The following EYS variants were observed in gnomAD, a reference collection of about 807,000 sequenced individuals.
EYS encodes the protein protein eyes shut homolog.
A neutral mutation model predicts 282.1 loss-of-function variants in EYS; 250 were observed. That is an observed-to-expected ratio of 0.89 (90% CI 0.80 to 0.98). The LOEUF is 0.98. Ranked by LOEUF, EYS falls within the 50% of genes least tolerant of loss-of-function variation. The probability of loss-of-function intolerance (pLI) is 0.00; values close to 1 mark genes in which losing one functional copy is unlikely to be tolerated. For synonymous variants in EYS, 1,355 were observed against 1,282.9 expected (o/e 1.06, Z -1.20); for missense variants, 4,016 against 3,709.0 (o/e 1.08, Z -2.15).
At position 64,801,628 on chromosome 6, in the gene EYS, T is replaced by C. The variant is rs928872814; in HGVS notation, c.3443+11750A>G. 8.5e-5 allele frequency among the ~76,000 whole-genome samples: 13 copies of C among 152,288 alleles called. 1 individual carries two copies. The East Asian group carries it at 2.5e-3, about 29-fold the overall frequency. On this transcript the variant is annotated intron_variant, in intron 22 of 42. Transcript: ENST00000503581. ...TATTTAGCCATTATGTGTTTTTGAATCCTTTTTAATGTATTTTATTAAAAT... is the reference window on the plus strand; with the variant it reads ...TATTTAGCCATTATGTGTTTTTGAACCCTTTTTAATGTATTTTATTAAAAT...
At chr6:64,415,566 G>A (rs934967125) in intron 28 of EYS, among the ~76,000 whole-genome samples, 8 of 152,244 alleles carry the variant, frequency 5.3e-5, no homozygotes, top group Admixed American at 4.6e-4. Flanking sequence ...TTATGAATGA[G>A]TCTGAGGCCC....
At chr6:63,981,672 T>G (rs1457707165) in intron 35 of EYS, among the ~76,000 whole-genome samples, 1 of 151,876 alleles carries the variant, frequency 6.6e-6, no homozygotes, top group African/African-American at 2.4e-5. Flanking sequence ...CCAAATCAGT[T>G]GACCTTCCAG....
chr6:64,953,363 C>T (rs1769578096), intron 14 of EYS, among the ~76,000 whole-genome samples: 1 of 151,584 alleles, frequency 6.6e-6, no homozygotes, highest in Admixed American at 6.6e-5. Flanking sequence ...TTTTTCTTTG[C>T]TTTAATAAAA....
intron 41 of EYS, among the ~76,000 whole-genome samples, chr6:63,753,126 G>A (rs1050734095): frequency 9.4e-6 from 1 of 106,082 alleles, no homozygotes; most frequent in African/African-American, 4.1e-5. Flanking sequence ...ATATGTGTGT[G>A]TATGTGTGTG....
intron 26 of EYS, among the ~76,000 whole-genome samples, chr6:64,517,883 G>A (rs1251348249): frequency 6.6e-6 from 1 of 151,728 alleles, no homozygotes; most frequent in Non-Finnish European, 1.5e-5. Flanking sequence ...TTTTTACGTG[G>A]CAAACATGAA....
At chr6:64,749,016 A>G (rs936461934) in intron 22 of EYS, among the ~76,000 whole-genome samples, 2 of 152,084 alleles carry the variant, frequency 1.3e-5, no homozygotes, top group South Asian at 4.1e-4. Context: ...CAGGTGATCC[A>G]CCCGCCTTGG....
At chr6:64,206,677 T>A (rs1765618044) in intron 31 of EYS, among the ~76,000 whole-genome samples, 1 of 152,232 alleles carries the variant, frequency 6.6e-6, no homozygotes, top group African/African-American at 2.4e-5. Flanking sequence ...GTGTTACTGA[T>A]GCATGTTTCA....
At chr6:65,477,961 GATA>G (rs1437577292) in intron 5 of EYS, among the ~76,000 whole-genome samples, 1 of 152,098 alleles carries the variant, frequency 6.6e-6, no homozygotes, top group Non-Finnish European at 1.5e-5. Flanking sequence ...AGAAGAGAAT[GATA>G]ATACTTTGAA....
intron 26 of EYS, among the ~76,000 whole-genome samples, chr6:64,478,996 T>G (rs1776358920): frequency 6.6e-6 from 1 of 151,906 alleles, no homozygotes; most frequent in South Asian, 2.1e-4. Flanking sequence ...ATTGTCAAGA[T>G]AAGGTATTCC....
chr6:65,479,334 T>C (rs965525236), intron 5 of EYS, among the ~76,000 whole-genome samples: 2 of 152,128 alleles, frequency 1.3e-5, no homozygotes, highest in Non-Finnish European at 2.9e-5. Context: ...AATTGACGAG[T>C]GGATTCTAAG....
chr6:64,609,922 A>C, intron 24 of EYS, among the ~76,000 whole-genome samples: 1 of 150,786 alleles, frequency 6.6e-6, no homozygotes, highest in East Asian at 1.9e-4. Flanking sequence ...TATTAACTAT[A>C]TATAGACAAT....
At chr6:65,561,680 AATATT>A (rs1769064921) in intron 2 of EYS, among the ~76,000 whole-genome samples, 1 of 152,092 alleles carries the variant, frequency 6.6e-6, no homozygotes, top group Admixed American at 6.6e-5. Context: ...TAAACTAATA[AATATT>A]AGATGGCATC....
intron 31 of EYS, among the ~76,000 whole-genome samples, chr6:64,192,954 C>A (rs964094401): frequency 1.3e-5 from 2 of 152,154 alleles, no homozygotes; most frequent in Admixed American, 1.3e-4. Context: ...TTTGTTTGTA[C>A]TCTAGGCAGT....
chr6:64,055,045 T>C (rs1266382954), intron 33 of EYS, among the ~76,000 whole-genome samples: 1 of 152,152 alleles, frequency 6.6e-6, no homozygotes, highest in Admixed American at 6.6e-5. Context: ...CTGCTTACTG[T>C]AGTACAGATG....
chr6:64,026,538 A>G (rs1769523220), intron 33 of EYS, among the ~76,000 whole-genome samples: 1 of 152,144 alleles, frequency 6.6e-6, no homozygotes, highest in Non-Finnish European at 1.5e-5. Context: ...AAATTACAAT[A>G]CTATCCTGCA....
At chr6:65,311,389 T>C (rs1769154723) in intron 11 of EYS, among the ~76,000 whole-genome samples, 2 of 152,176 alleles carry the variant, frequency 1.3e-5, no homozygotes, top group Non-Finnish European at 1.5e-5. Context: ...TTTATGCATA[T>C]TTGACCAACG....
intron 13 of EYS, among the ~76,000 whole-genome samples, chr6:65,037,426 G>C (rs556302025): frequency 7.3e-5 from 11 of 151,570 alleles, no homozygotes; most frequent in Middle Eastern, 3.4e-3. Flanking sequence ...CACAATTTTC[G>C]CACGTTATAT....
chr6:64,778,142 T>G (rs1242738012), intron 22 of EYS, among the ~76,000 whole-genome samples: 1 of 152,094 alleles, frequency 6.6e-6, no homozygotes, highest in Non-Finnish European at 1.5e-5. Flanking sequence ...CAGAAGAACT[T>G]GGACAGGAGC....
intron 31 of EYS, among the ~76,000 whole-genome samples, chr6:64,114,254 AT>A: frequency 6.6e-6 from 1 of 152,212 alleles, no homozygotes; most frequent in African/African-American, 2.4e-5. Flanking sequence ...GTCTTCTATT[AT>A]TTGCTATCCA....
Sources: allele counts gnomAD v4.1 joint callset (sites outside exome capture counted in the v4.1 genomes callset), GRCh38; gene constraint gnomAD v4.1.1; transcripts MANE v1.5; gene names NCBI Gene and HGNC (gene_info 2026-07-23, HGNC 2026-07-21).